Variants in ANO7 observed in about 807,000 individuals in gnomAD.
The protein encoded by ANO7 is anoctamin-7.
In ANO7, 114 loss-of-function variants were observed where a neutral mutation model predicts 115.8. The observed-to-expected ratio is 0.98, with a 90% CI of 0.85 to 1.15. ANO7 has a LOEUF of 1.15. ANO7 is among the 50% of genes most tolerant of loss of function. The probability of loss-of-function intolerance (pLI) is 0.00; values close to 1 mark genes in which losing one functional copy is unlikely to be tolerated. For missense variants in ANO7, 1,302 were observed against 1,201.2 expected, an observed-to-expected ratio of 1.08 and a Z score of -1.24; for synonymous variants, 550 against 498.2, an observed-to-expected ratio of 1.10 and a Z score of -1.38.
chr2:241,210,869 T>C (rs963338646), intron 15 of ANO7, among the ~76,000 whole-genome samples: 5 of 149,212 alleles, frequency 3.4e-5, no homozygotes, highest in African/African-American at 1.3e-4. Context: ...GGGGTCTCAC[T>C]GTGTGGCTCA....
At chr2:241,214,963 C>A in intron 18 of ANO7, 61 bp downstream of exon 18, 2 of 1,458,848 alleles carry the variant, frequency 1.4e-6, no homozygotes, top group South Asian at 2.4e-5. Flanking sequence ...GAGCACCTGG[C>A]AGTAGCAGCC....
rs2068491664 is a variant in ANO7, at chr2:241,202,319, TG to T, written c.723+20del. The stretch of plus-strand genomic sequence containing the variant: ...CCCTGCATGACGTGAGCTCGGGGGC[TG>T]GGGGCTCCAGCCTGGGTATGGGAGA... On this transcript the variant is annotated intron_variant, in intron 8 of 24. Coordinates refer to ENST00000674324, the MANE Select transcript of ANO7 (RefSeq NM_001370694.2). The T allele has an allele frequency of 4.4e-6, 7 of 1,606,572 alleles. No homozygotes were observed. The highest frequency in any genetic ancestry group is 1.1e-5 in the South Asian group (1 of 91,010).
chr2:241,226,467 C>G (rs1356971912), downstream of ANO7, among the ~76,000 whole-genome samples: 3 of 151,978 alleles, frequency 2.0e-5, no homozygotes, highest in African/African-American at 7.3e-5. Flanking sequence ...CTCTGTCACC[C>G]AGGCTGGAGT....
At chr2:241,231,509 A>G in the ANO7 span, among the ~76,000 whole-genome samples, 1 of 152,304 alleles carries the variant, frequency 6.6e-6, no homozygotes, top group Admixed American at 6.5e-5. Context: ...GTCCTCAAAG[A>G]CAAAGGAGAG....
At position 241,203,592 on chromosome 2, in the gene ANO7, C is replaced by A; in HGVS notation, c.889+94C>A. 1.0e-6 allele frequency: 1 copy of A among 956,506 alleles called. No homozygotes were observed. The highest frequency in any genetic ancestry group is 1.5e-6 in the Non-Finnish European group (1 of 672,156). The allele number at this position is 956,506 out of a possible 1,614,324, so 59.3% of individuals were successfully genotyped here. ...GCCAGTCCGTACCCCTGGAGGGCAGCGTGCGTGGGGGCCTGGACGGTGGGC... is the reference window on the plus strand; with the variant it reads ...GCCAGTCCGTACCCCTGGAGGGCAGAGTGCGTGGGGGCCTGGACGGTGGGC... On this transcript the variant is annotated intron_variant, in intron 9 of 24. Coordinates refer to ENST00000674324, the MANE Select transcript of ANO7 (RefSeq NM_001370694.2). The surrounding 1 kb of genome is among the most constrained non-coding windows in gnomAD (Gnocchi z 4.8).
rs906738893 is a variant in ANO7 at position 241,225,966 on chromosome 2, TA to T, written c.*1816del. Among the ~76,000 whole-genome samples, 38 of 152,320 alleles carry T rather than the reference TA, an allele frequency of 2.5e-4. No individual in the cohort carries two copies. The highest frequency in any genetic ancestry group is 8.9e-4 in the African/African-American group (37 of 41,562). ...TGGTTGCTTTTTATTGTTGCTGTCT[TA>T]AACTCCAAAGTTTTAAGGTGAATTT... On this transcript the variant is annotated 3_prime_UTR_variant, in exon 25 of 25. Coordinates refer to ENST00000674324, the MANE Select transcript of ANO7 (RefSeq NM_001370694.2).
intron 21 of ANO7, 117 bp from the exon 22 acceptor site, chr2:241,223,069 G>T (rs899513286): frequency 8.9e-6 from 8 of 899,426 alleles, no homozygotes; most frequent in South Asian, 6.1e-5. Context: ...GCCAGGCCAG[G>T]AACATGGGAT....
At chr2:241,218,407 G>GC (rs2068922143) in intron 21 of ANO7, 26 bp downstream of exon 21, 2 of 1,302,040 alleles carry the variant, frequency 1.5e-6, no homozygotes, top group Non-Finnish European at 9.8e-7. Context: ...GGTGGAGGGG[G>GC]CCGCGGGCGC....
rs2068113933 is a variant in ANO7 at position 241,188,677 on chromosome 2, A to G, written c.-97A>G. On this transcript the variant is annotated 5_prime_UTR_variant, in exon 1 of 25. Coordinates refer to ENST00000674324, the MANE Select transcript of ANO7 (RefSeq NM_001370694.2). The surrounding 1 kb of genome is among the most constrained non-coding windows in gnomAD (Gnocchi z 4.3). ...CACCCCTCCCCACCCTCTGTCCCGC[A>G]GTGAGGACGGGACTCTACTGCCGAG... The G allele has an allele frequency of 6.2e-7, 1 of 1,613,254 alleles. No homozygotes were observed. The highest frequency in any genetic ancestry group is 8.5e-7 in the Non-Finnish European group (1 of 1,179,858).
chr2:241,229,823 C>T (rs764411201), downstream of ANO7: 7 of 1,567,762 alleles, frequency 4.5e-6, no homozygotes, highest in African/African-American at 5.4e-5. Context: ...GGCAGAAGCC[C>T]GCATCTGACC....
At chr2:241,216,835 T>TG (rs1172769929) in intron 19 of ANO7, among the ~76,000 whole-genome samples, 1 of 150,450 alleles carries the variant, frequency 6.6e-6, no homozygotes, top group Non-Finnish European at 1.5e-5. Flanking sequence ...TGTTTGTTTG[T>TG]TTTTGTTTTG....
chr2:241,234,732 C>T, the ANO7 span, among the ~76,000 whole-genome samples: 10 of 152,216 alleles, frequency 6.6e-5, no homozygotes, highest in Admixed American at 2.6e-4. Flanking sequence ...ACCAGGAAGT[C>T]ATTCGCCCTT....
intron 17 of ANO7, among the ~76,000 whole-genome samples, chr2:241,213,343 T>G (rs1298139897): frequency 1.3e-5 from 2 of 152,270 alleles, no homozygotes; most frequent in African/African-American, 2.4e-5. Context: ...CACAGTGGGC[T>G]CTGCCTGTGA....
At chr2:241,223,158 C>A in intron 21 of ANO7, 28 bp from the exon 22 acceptor site, 1 of 1,603,866 alleles carries the variant, frequency 6.2e-7, no homozygotes, top group East Asian at 2.2e-5. Context: ...GCCCTGGCTG[C>A]GCGCACTGAG....
chr2:241,189,543 T>G (rs2068139392), intron 1 of ANO7, among the ~76,000 whole-genome samples: 1 of 151,858 alleles, frequency 6.6e-6, no homozygotes, highest in Non-Finnish European at 1.5e-5. Flanking sequence ...CCAAGAGTTG[T>G]GAGGCCGGGC....
At chr2:241,240,185 C>G in the ANO7 span, 1 of 1,517,794 alleles carries the variant, frequency 6.6e-7, no homozygotes, top group South Asian at 1.1e-5. The surrounding 1 kb of genome is among the most constrained non-coding windows in gnomAD (Gnocchi z 5.5). Context: ...GTGAGGAAGA[C>G]AAGAGGGTCT....
At chr2:241,202,328 C>A (rs1395662744) in intron 8 of ANO7, 24 bp downstream of exon 8, 1 of 1,604,146 alleles carries the variant, frequency 6.2e-7, no homozygotes, top group African/African-American at 1.3e-5. Flanking sequence ...CTGGGGGCTC[C>A]AGCCTGGGTA....
At position 241,224,195 on chromosome 2, in the gene ANO7, T is replaced by C; in HGVS notation, c.*42T>C. The C allele has an allele frequency of 6.2e-7, 1 of 1,607,242 alleles. No individual in the cohort carries two copies. The highest frequency in any genetic ancestry group is 8.5e-7 in the Non-Finnish European group (1 of 1,174,680). ...TGGTGGTCCTTAGGGGAGTGGCCCCTCCTGAGCCCTGCGAGCAGCGTCCTT... is the reference window on the plus strand; with the variant it reads ...TGGTGGTCCTTAGGGGAGTGGCCCCCCCTGAGCCCTGCGAGCAGCGTCCTT... On this transcript the variant is annotated 3_prime_UTR_variant, in exon 25 of 25. Transcript: ENST00000674324.
At chr2:241,218,453 G>A (rs2068924438) in intron 21 of ANO7, 72 bp downstream of exon 21, 2 of 1,220,920 alleles carry the variant, frequency 1.6e-6, no homozygotes, top group Middle Eastern at 3.2e-4. Context: ...GGGTGGGGTG[G>A]GGGTGCGGCG....
Sources: gnomAD v4.1 joint callset for allele counts (sites outside exome capture counted in the v4.1 genomes callset) on GRCh38, gnomAD v4.1.1 for gene constraint, Gnocchi (gnomAD v3.1) non-coding constraint, MANE v1.5 for transcripts, NCBI Gene and HGNC (gene_info 2026-07-23, HGNC 2026-07-21) for gene names.